The following USP12 variants were observed in gnomAD, a reference collection of about 807,000 sequenced individuals.
USP12 encodes the protein ubiquitin specific peptidase 12.
Under a neutral mutation model 45.5 loss-of-function variants are expected in USP12, and 19 were observed. That is an observed-to-expected ratio of 0.42 (90% CI 0.29 to 0.61). The LOEUF (loss-of-function observed/expected upper bound fraction) is 0.61. Ranked by LOEUF, USP12 falls within the 20% of genes least tolerant of loss-of-function variation. USP12 has a pLI of 0.22. For missense variants in USP12, 242 were observed against 447.7 expected (o/e 0.54, Z 4.15); for synonymous variants, 149 against 148.8 (o/e 1.00, Z -0.01).
chr13:27,067,337 T>C lies in USP12; in HGVS notation c.*1946A>G, dbSNP rs1451225050. ...GACAATTTGGTTTAAGCCTTCAAAA[T>C]AAAAAGAGTGCATCCACTTCCACTG... On this transcript the variant is annotated 3_prime_UTR_variant, in exon 9 of 9. Transcript: ENST00000282344. 1.3e-5 allele frequency: 2 copies of C among 152,090 alleles called. No individual in the cohort carries two copies. The highest frequency in any genetic ancestry group is 2.1e-4 in the South Asian group (1 of 4,820). 9.4% of individuals were successfully genotyped at this position (152,090 alleles called of 1,614,324 possible). A position where few individuals can be genotyped will look rare whatever the true frequency, so the allele number is the denominator to read the frequency against.
Position 27,129,100 on chromosome 13 carries a change from A to G in USP12, c.49-12504T>C, listed in dbSNP as rs960983062. Among the ~76,000 whole-genome samples, 1 of 152,204 alleles carries G rather than the reference A, an allele frequency of 6.6e-6. No individual in the cohort carries two copies. Among genetic ancestry groups the G allele is most frequent in the African/African-American group, 2.4e-5 (1 of 41,444 alleles). On this transcript the variant is annotated intron_variant, in intron 1 of 8. Coordinates refer to ENST00000282344, the MANE Select transcript of USP12 (RefSeq NM_182488.4). This position sits in a 1 kb window ranked among gnomAD's most constrained non-coding sequence, Gnocchi z 4.0. The stretch of plus-strand genomic sequence containing the variant: ...TACTCGGAATATTCCATACACTTCA[A>G]ATAAAAAAAAGTACTCATATTGTGA...
At chr13:27,153,900 T>TTTCTCGTAA (rs1482391299) in intron 1 of USP12, among the ~76,000 whole-genome samples, 1 of 152,246 alleles carries the variant, frequency 6.6e-6, no homozygotes, top group African/African-American at 2.4e-5. Context: ...CCAGGCTCTA[T>TTTCTCGTAA]GTTTCATCCT....
intron 1 of USP12, among the ~76,000 whole-genome samples, chr13:27,136,019 T>C (rs1876787753): frequency 6.6e-6 from 1 of 152,194 alleles, no homozygotes; most frequent in South Asian, 2.1e-4. Context: ...AAATATTATT[T>C]TAAACAGACC....
At chr13:27,160,335 T>G (rs1188998204) in intron 1 of USP12, among the ~76,000 whole-genome samples, 1 of 152,046 alleles carries the variant, frequency 6.6e-6, no homozygotes, top group African/African-American at 2.4e-5. Flanking sequence ...ATTTGCCAAG[T>G]TAAGTGAAGG....
intron 3 of USP12, among the ~76,000 whole-genome samples, chr13:27,096,778 T>C (rs561281992): frequency 6.6e-6 from 1 of 152,246 alleles, no homozygotes; most frequent in South Asian, 2.1e-4. Flanking sequence ...ATAAAATGCA[T>C]TGAGAAAAAT....
At chr13:27,084,603 C>T (rs191574493) in intron 6 of USP12, among the ~76,000 whole-genome samples, 31 of 150,230 alleles carry the variant, frequency 2.1e-4, no homozygotes, top group East Asian at 3.9e-4. Context: ...TATTCTTTTT[C>T]GTGTGGATAT....
rs575650926 is a variant in USP12, at chr13:27,129,839, G to A, written c.49-13243C>T. ...CTCTTTGATAAATGGTGGGGAAGTA[G>A]AAAAGAACTGGCTGCCAACTGGCAT... On this transcript the variant is annotated intron_variant, in intron 1 of 8. Coordinates refer to ENST00000282344, the MANE Select transcript of USP12 (RefSeq NM_182488.4). The surrounding 1 kb of genome is among the most constrained non-coding windows in gnomAD (Gnocchi z 4.0). Among the ~76,000 whole-genome samples the A allele has an allele frequency of 6.6e-6, 1 of 152,288 alleles. No homozygotes were observed. Among genetic ancestry groups the A allele is most frequent in the African/African-American group, 2.4e-5 (1 of 41,564 alleles).
At chr13:27,133,602 C>T (rs1456966621) in intron 1 of USP12, among the ~76,000 whole-genome samples, 1 of 147,388 alleles carries the variant, frequency 6.8e-6, no homozygotes, top group African/African-American at 2.5e-5. Context: ...GCGCTCCAGC[C>T]TGCGACAGAG....
chr13:27,102,927 T>C (rs1018442470), intron 3 of USP12, among the ~76,000 whole-genome samples: 4 of 152,238 alleles, frequency 2.6e-5, no homozygotes, highest in African/African-American at 7.2e-5. Flanking sequence ...GCAGGTAACA[T>C]GCATGGAGCC....
rs1873114646 is a variant in USP12 at position 27,068,989 on chromosome 13, G to C, written c.*294C>G. ...AAGCATTATTGGTGCAATTAATAAA[G>C]AGAAAATGCGTGCCAATGACTGGAA... On this transcript the variant is annotated 3_prime_UTR_variant, in exon 9 of 9. Transcript: ENST00000282344. The C allele has an allele frequency of 2.4e-6, 1 of 409,498 alleles. No individual in the cohort carries two copies. The highest frequency in any genetic ancestry group is 4.2e-5 in the Admixed American group (1 of 24,020). The allele number at this position is 409,498 out of a possible 1,614,324, so 25.4% of individuals were successfully genotyped here. A position where few individuals can be genotyped will look rare whatever the true frequency, so the allele number is the denominator to read the frequency against.
chr13:27,087,813 C>A (rs1215234176), intron 6 of USP12, among the ~76,000 whole-genome samples: 1 of 152,106 alleles, frequency 6.6e-6, no homozygotes, highest in Non-Finnish European at 1.5e-5. Context: ...CTCCCCCTGG[C>A]CAGACTGGAG....
At chr13:27,089,025 C>T (rs980700087) in intron 6 of USP12, among the ~76,000 whole-genome samples, 1 of 152,164 alleles carries the variant, frequency 6.6e-6, no homozygotes, top group Non-Finnish European at 1.5e-5. Context: ...CAATAAGGGA[C>T]ATTCTACAAA....
At chr13:27,138,379 G>C (rs1012029375) in intron 1 of USP12, among the ~76,000 whole-genome samples, 2 of 152,214 alleles carry the variant, frequency 1.3e-5, no homozygotes, top group African/African-American at 4.8e-5. Flanking sequence ...TTCCAGGAAA[G>C]GCTCAGATGG....
At chr13:27,121,369 T>C (rs1479458796) in intron 1 of USP12, among the ~76,000 whole-genome samples, 4 of 151,222 alleles carry the variant, frequency 2.6e-5, no homozygotes, top group African/African-American at 4.9e-5. Context: ...GTGCCCTCCT[T>C]CCACCTCTTC....
chr13:27,102,933 G>C (rs1419103683), intron 3 of USP12, among the ~76,000 whole-genome samples: 1 of 152,186 alleles, frequency 6.6e-6, no homozygotes, highest in African/African-American at 2.4e-5. Context: ...AACATGCATG[G>C]AGCCACTGTT....
chr13:27,122,474 C>T (rs543097862), intron 1 of USP12, among the ~76,000 whole-genome samples: 23 of 151,270 alleles, frequency 1.5e-4, no homozygotes, highest in African/African-American at 5.1e-4. Context: ...CGGACTAATA[C>T]ACCCCATCTT....
intron 1 of USP12, among the ~76,000 whole-genome samples, chr13:27,127,487 G>T (rs1876297091): frequency 6.6e-6 from 1 of 152,166 alleles, no homozygotes; most frequent in African/African-American, 2.4e-5. Flanking sequence ...AAGGGCCTTT[G>T]CCTCTATTCC....
chr13:27,107,143 G>A (rs1235390026), intron 2 of USP12, among the ~76,000 whole-genome samples: 1 of 152,084 alleles, frequency 6.6e-6, no homozygotes, highest in Non-Finnish European at 1.5e-5. Flanking sequence ...TGATCAACAT[G>A]GTGAAACCCC....
intron 4 of USP12, among the ~76,000 whole-genome samples, chr13:27,092,644 T>C (rs1218511510): frequency 1.3e-5 from 2 of 152,212 alleles, no homozygotes; most frequent in Non-Finnish European, 2.9e-5. Context: ...CAAATGATGC[T>C]GGAGCAGATG....
Sources: gnomAD v4.1 joint callset for allele counts (sites outside exome capture counted in the v4.1 genomes callset) on GRCh38, gnomAD v4.1.1 for gene constraint, Gnocchi (gnomAD v3.1) non-coding constraint, MANE v1.5 for transcripts, NCBI Gene and HGNC (gene_info 2026-07-23, HGNC 2026-07-21) for gene names.